Variants in TNKS observed in about 807,000 individuals in gnomAD.
The protein encoded by TNKS is tankyrase, also known as poly [ADP-ribose] polymerase tankyrase-1.
In TNKS, 72 loss-of-function variants were observed where a neutral mutation model predicts 135.8. The ratio of observed to expected loss-of-function variants is 0.53; its 90% CI spans 0.44 to 0.64. The LOEUF (loss-of-function observed/expected upper bound fraction) is 0.64. Ranked by LOEUF, TNKS falls within the 30% of genes least tolerant of loss-of-function variation. The pLI, the probability that TNKS is intolerant of heterozygous loss-of-function variation, is 0.00. For missense variants in TNKS, 1,769 were observed against 1,674.0 expected (o/e 1.06, Z -0.99); for synonymous variants, 849 against 649.3 (o/e 1.31, Z -4.68).
chr8:9,690,124 A>C (rs1407693006), intron 5 of TNKS, among the ~76,000 whole-genome samples: 2 of 152,222 alleles, frequency 1.3e-5, no homozygotes, highest in Non-Finnish European at 2.9e-5. Context: ...TCGATGATGA[A>C]AACCTAATGT....
chr8:9,765,207 T>A (rs1377449843), intron 23 of TNKS, among the ~76,000 whole-genome samples: 5 of 152,182 alleles, frequency 3.3e-5, no homozygotes, highest in Non-Finnish European at 7.4e-5. Context: ...TATCTCAATT[T>A]ATAATATGGA....
chr8:9,566,059 T>G (rs1797524981), intron 1 of TNKS, among the ~76,000 whole-genome samples: 1 of 152,108 alleles, frequency 6.6e-6, no homozygotes, highest in Non-Finnish European at 1.5e-5. Flanking sequence ...TCATCAACCG[T>G]AGAAACCATT....
At chr8:9,684,461 T>A (rs1160331671) in intron 5 of TNKS, among the ~76,000 whole-genome samples, 1 of 152,104 alleles carries the variant, frequency 6.6e-6, no homozygotes, top group Non-Finnish European at 1.5e-5. Context: ...CCTCTCTGTG[T>A]TATTCTCCTT....
At chr8:9,721,720 G>A (rs1034173566) in intron 12 of TNKS, among the ~76,000 whole-genome samples, 1 of 152,010 alleles carries the variant, frequency 6.6e-6, no homozygotes, top group Non-Finnish European at 1.5e-5. Context: ...TAGATAATAT[G>A]ACCTAACTGT....
intron 3 of TNKS, among the ~76,000 whole-genome samples, chr8:9,616,923 A>T (rs148833659): frequency 6.6e-6 from 1 of 152,196 alleles, no homozygotes; most frequent in Admixed American, 6.5e-5. Context: ...GCCCTGGGCA[A>T]CAATAGCAGC....
At chr8:9,768,009 T>C (rs915369942) in intron 25 of TNKS, among the ~76,000 whole-genome samples, 4 of 150,738 alleles carry the variant, frequency 2.7e-5, no homozygotes, top group African/African-American at 9.8e-5. Context: ...ATGTATAGCA[T>C]GTAAAAGTAT....
At chr8:9,568,373 G>T (rs1451260815) in intron 1 of TNKS, among the ~76,000 whole-genome samples, 1 of 152,130 alleles carries the variant, frequency 6.6e-6, no homozygotes, top group African/African-American at 2.4e-5. Context: ...TAGTAAAAAT[G>T]CAGTGTTTCT....
chr8:9,632,770 C>A (rs182252317), intron 3 of TNKS, among the ~76,000 whole-genome samples: 1 of 152,330 alleles, frequency 6.6e-6, no homozygotes, highest in East Asian at 1.9e-4. Flanking sequence ...CACTCTGTCG[C>A]CCAGGCTGGA....
chr8:9,655,142 T>C (rs951004998), intron 3 of TNKS, among the ~76,000 whole-genome samples: 8 of 152,182 alleles, frequency 5.3e-5, no homozygotes, highest in African/African-American at 1.7e-4. Flanking sequence ...GCCTCACTCA[T>C]TGCTAGCCCA....
intron 1 of TNKS, chr8:9,557,872 G>A (rs1382286974): frequency 1.3e-5 from 2 of 152,140 alleles, no homozygotes; most frequent in Non-Finnish European, 2.9e-5. Flanking sequence ...ATTCAGTCAG[G>A]AAATAGTGGA....
chr8:9,564,960 C>G (rs1400649082), intron 1 of TNKS, among the ~76,000 whole-genome samples: 3 of 151,480 alleles, frequency 2.0e-5, no homozygotes, highest in Non-Finnish European at 4.4e-5. Flanking sequence ...GGTGGGTTTC[C>G]TAGGGATTTC....
At chr8:9,711,914 A>G (rs889530928) in intron 11 of TNKS, among the ~76,000 whole-genome samples, 10 of 152,214 alleles carry the variant, frequency 6.6e-5, no homozygotes, top group African/African-American at 2.2e-4. Context: ...ACCTGTTCAA[A>G]AGCCTTCCTT....
chr8:9,668,214 T>C (rs1016580769), intron 3 of TNKS, among the ~76,000 whole-genome samples: 2 of 152,240 alleles, frequency 1.3e-5, no homozygotes, highest in East Asian at 3.8e-4. Context: ...ACCATTGGTA[T>C]GTAAGGGCTG....
chr8:9,763,576 T>A (rs1807263599), intron 22 of TNKS, among the ~76,000 whole-genome samples: 1 of 152,228 alleles, frequency 6.6e-6, no homozygotes. Flanking sequence ...AATGAAAAAC[T>A]CTTGCCTCAT....
chr8:9,561,162 A>G (rs1032017698), intron 1 of TNKS, among the ~76,000 whole-genome samples: 2 of 152,212 alleles, frequency 1.3e-5, no homozygotes, highest in Non-Finnish European at 2.9e-5. Flanking sequence ...AATAGTAGGC[A>G]TCTGTGCAGC....
At chr8:9,611,496 A>G (rs1281110254) in intron 2 of TNKS, among the ~76,000 whole-genome samples, 1 of 152,206 alleles carries the variant, frequency 6.6e-6, no homozygotes, top group African/African-American at 2.4e-5. Context: ...TGTGCTATCA[A>G]TGCGTATTGA....
intron 5 of TNKS, among the ~76,000 whole-genome samples, chr8:9,698,374 G>GGAAAAAAAAAAAAAAAAAAAAAAAAAA (rs1803622905): frequency 1.0e-5 from 1 of 98,762 alleles, no homozygotes; most frequent in African/African-American, 4.0e-5. Context: ...ATTTTAAAAT[G>GGAAAAAAAAAAAAAAAAAAAAAAAAAA]AAAAAAAAAA....
intron 1 of TNKS, chr8:9,558,851 C>T (rs1797196388): frequency 6.6e-6 from 1 of 152,082 alleles, no homozygotes; most frequent in East Asian, 1.9e-4. Flanking sequence ...GTCAGTTTGC[C>T]ACGCTTCCGT....
intron 1 of TNKS, among the ~76,000 whole-genome samples, chr8:9,570,385 A>T (rs1232062574): frequency 6.7e-6 from 1 of 149,282 alleles, no homozygotes; most frequent in African/African-American, 2.5e-5. Context: ...CAATGAATGA[A>T]ACATAATGTC....
Sources: gnomAD v4.1 joint callset for allele counts (sites outside exome capture counted in the v4.1 genomes callset) on GRCh38, gnomAD v4.1.1 for gene constraint, MANE v1.5 for transcripts, NCBI Gene and HGNC (gene_info 2026-07-23, HGNC 2026-07-21) for gene names.